CFAP61: variants seen among roughly 807,000 people sequenced by gnomAD.
The protein encoded by CFAP61 is cilia and flagella associated protein 61.
CFAP61 carries 107 observed loss-of-function variants against 135.6 expected under a neutral mutation model. The observed-to-expected ratio is 0.79, with a 90% CI of 0.67 to 0.93. The LOEUF is 0.93. Among genes scored for constraint, CFAP61 ranks in the 40% least tolerant of loss-of-function variants. The pLI, the probability that CFAP61 is intolerant of heterozygous loss-of-function variation, is 0.00. For missense variants in CFAP61, 1,507 were observed against 1,556.2 expected (o/e 0.97, Z 0.53); for synonymous variants, 575 against 578.5 (o/e 0.99, Z 0.09).
chr20:20,209,503 A>G (rs2047476868), intron 17 of CFAP61, among the ~76,000 whole-genome samples: 1 of 152,236 alleles, frequency 6.6e-6, no homozygotes, highest in Non-Finnish European at 1.5e-5. Context: ...CAGAGTACAG[A>G]GATATACAAC....
chr20:20,150,665 C>T (rs937072667), intron 9 of CFAP61, among the ~76,000 whole-genome samples: 11 of 152,326 alleles, frequency 7.2e-5, no homozygotes, highest in Admixed American at 2.6e-4. Context: ...ACTCCCCTGC[C>T]ACCTCCACCA....
rs78382032 is a variant in CFAP61 at position 20,115,681 on chromosome 20, T to G, written c.859+16867T>G. On this transcript the variant is annotated intron_variant, in intron 8 of 26. Transcript: ENST00000245957. ...TTTAGCTCCCATATATGAGTGAGAA[T>G]ATGTGATATTTGTCTTTCTATGCTT... 3.3e-3 allele frequency among the ~76,000 whole-genome samples: 504 copies of G among 152,338 alleles called. 1 individual carries two copies. The highest frequency in any genetic ancestry group is 0.011 in the African/African-American group (471 of 41,582).
At chr20:20,314,432 A>G in intron 25 of CFAP61, among the ~76,000 whole-genome samples, 1 of 151,036 alleles carries the variant, frequency 6.6e-6, no homozygotes, top group Non-Finnish European at 1.5e-5. Flanking sequence ...TTGTTGGGGA[A>G]AAAGAAACCA....
chr20:20,332,299 T>G (rs1406806293), intron 25 of CFAP61, among the ~76,000 whole-genome samples: 1 of 152,226 alleles, frequency 6.6e-6, no homozygotes, highest in African/African-American at 2.4e-5. Context: ...AACATTATGC[T>G]ATTTCTACAA....
intron 25 of CFAP61, among the ~76,000 whole-genome samples, chr20:20,340,678 G>A (rs1029176164): frequency 1.3e-5 from 2 of 152,160 alleles, no homozygotes; most frequent in Non-Finnish European, 2.9e-5. Flanking sequence ...GCCACCAGAC[G>A]GAGGTGGCCG....
intron 26 of CFAP61, among the ~76,000 whole-genome samples, chr20:20,348,772 A>G (rs1245133241): frequency 2.7e-5 from 4 of 150,122 alleles, no homozygotes; most frequent in Non-Finnish European, 5.9e-5. Flanking sequence ...TGACAAAATC[A>G]AATACATTCT....
chr20:20,302,593 C>G (rs745438270), intron 25 of CFAP61, among the ~76,000 whole-genome samples: 5 of 152,136 alleles, frequency 3.3e-5, no homozygotes, highest in Non-Finnish European at 5.9e-5. Flanking sequence ...ACCTGAGAGG[C>G]GGAGGTTGCA....
chr20:20,105,222 C>T (rs2048297948), intron 8 of CFAP61, among the ~76,000 whole-genome samples: 1 of 152,078 alleles, frequency 6.6e-6, no homozygotes, highest in Non-Finnish European at 1.5e-5. Context: ...TCCCTGTGTC[C>T]CACCAATGGG....
chr20:20,091,257 A>AG (rs1032767021), intron 7 of CFAP61, among the ~76,000 whole-genome samples: 1 of 152,218 alleles, frequency 6.6e-6, no homozygotes, highest in Non-Finnish European at 1.5e-5. Flanking sequence ...AGGGGTGCGT[A>AG]GGGGGATTTC....
chr20:20,113,709 C>T (rs1195653533), intron 8 of CFAP61, among the ~76,000 whole-genome samples: 2 of 152,018 alleles, frequency 1.3e-5, no homozygotes, highest in Non-Finnish European at 2.9e-5. Flanking sequence ...TATGAATATC[C>T]AATTGACTAA....
intron 2 of CFAP61, 72 bp from the exon 3 acceptor site, chr20:20,070,782 G>GA (rs564774352): frequency 1.4e-5 from 21 of 1,454,634 alleles, no homozygotes; most frequent in African/African-American, 2.8e-5. Context: ...TAGCCAGAGG[G>GA]AAAAAAATGG....
chr20:20,295,508 C>T (rs1383551887), intron 24 of CFAP61, among the ~76,000 whole-genome samples: 1 of 152,174 alleles, frequency 6.6e-6, no homozygotes, highest in African/African-American at 2.4e-5. Flanking sequence ...AGCTTTTTCA[C>T]CAATCATCCC....
At chr20:20,294,182 C>G (rs2055217316) in intron 24 of CFAP61, among the ~76,000 whole-genome samples, 1 of 152,210 alleles carries the variant, frequency 6.6e-6, no homozygotes, top group Admixed American at 6.5e-5. Context: ...GAACCCTGCA[C>G]CATGTGGGCA....
At chr20:20,126,862 G>T (rs1262817200) in intron 8 of CFAP61, among the ~76,000 whole-genome samples, 2 of 151,700 alleles carry the variant, frequency 1.3e-5, no homozygotes, top group Non-Finnish European at 2.9e-5. Context: ...TTATTCTTAG[G>T]TTTGGTCGTT....
Position 20,341,876 on chromosome 20 carries a change from T to G in CFAP61, c.3468T>G (p.Phe1156Leu), listed in dbSNP as rs1333698037. 4 of 1,613,578 alleles carry G rather than the reference T, an allele frequency of 2.5e-6. No homozygotes were observed. The highest frequency in any genetic ancestry group is 3.4e-6 in the Non-Finnish European group (4 of 1,179,992). ...PWCLALFHDRFIDLRKELRQI... is the reference protein window; with the variant it reads ...PWCLALFHDRLIDLRKELRQI... ...GCCTGGCCCTGTTCCACGATCGTTT[T>G]ATTGATCTCAGGAAAGAGTTACGCC... Residue 1156 changes from phenylalanine (F) to leucine (L), a missense_variant, in exon 26 of 27, where the codon TTT becomes TTG. Phe to Leu is a conservative substitution (Grantham distance 22). Coordinates refer to ENST00000245957, the MANE Select transcript of CFAP61 (RefSeq NM_015585.4).
intron 9 of CFAP61, among the ~76,000 whole-genome samples, chr20:20,158,288 C>A (rs1458140531): frequency 6.1e-5 from 9 of 147,374 alleles, no homozygotes; most frequent in African/African-American, 2.0e-4. Context: ...AAAAATGTGG[C>A]CAAATACTGT....
rs924076358 is a variant in CFAP61, at chr20:20,271,551, C to T, written c.2504-5615C>T. On this transcript the variant is annotated intron_variant, in intron 21 of 26. Coordinates refer to ENST00000245957, the MANE Select transcript of CFAP61 (RefSeq NM_015585.4). ...GTGCGAGAATGACTTCGGGCTCCTT[C>T]TTGCTTGCCAGCTTTAATTTTCGGA... 2.0e-5 allele frequency among the ~76,000 whole-genome samples: 3 copies of T among 152,204 alleles called. No individual in the cohort carries two copies. In the South Asian group the frequency reaches 6.2e-4, roughly 32 times the overall value.
At chr20:20,269,144 T>TATATAC (rs1569219093) in intron 21 of CFAP61, among the ~76,000 whole-genome samples, 3 of 85,066 alleles carry the variant, frequency 3.5e-5, no homozygotes, top group Non-Finnish European at 8.0e-5. Context: ...TATATATATA[T>TATATAC]ATACACACAC....
At chr20:20,067,305 G>T (rs543520086) in intron 2 of CFAP61, among the ~76,000 whole-genome samples, 1 of 152,038 alleles carries the variant, frequency 6.6e-6, no homozygotes, top group East Asian at 1.9e-4. Flanking sequence ...CTTCTCAGCC[G>T]GGCGTGGTAG....
Sources: allele counts gnomAD v4.1 joint callset (sites outside exome capture counted in the v4.1 genomes callset), GRCh38; gene constraint gnomAD v4.1.1; transcripts MANE v1.5; gene names NCBI Gene and HGNC (gene_info 2026-07-23, HGNC 2026-07-21).